Variants in CYP2C18 observed in about 807,000 individuals in gnomAD.
CYP2C18 encodes the protein cytochrome P450 2C18.
Under a neutral mutation model 41.3 loss-of-function variants are expected in CYP2C18, and 38 were observed. That is an observed-to-expected ratio of 0.92 (90% CI 0.71 to 1.21). CYP2C18 has a LOEUF of 1.21. Ranked by LOEUF, CYP2C18 falls within the 50% of genes most tolerant of loss-of-function variation. The pLI, the probability that CYP2C18 is intolerant of heterozygous loss-of-function variation, is 0.00. For missense variants in CYP2C18, 635 were observed against 591.4 expected, an observed-to-expected ratio of 1.07 and a Z score of -0.77; for synonymous variants, 236 against 210.0, an observed-to-expected ratio of 1.12 and a Z score of -1.07.
At position 94,694,992 on chromosome 10, in the gene CYP2C18, G is replaced by A. The variant is rs763494410; in HGVS notation, c.557G>A (p.Arg186Gln). ...ATCTGCTCTGTTATTTTCCATGATC[G>A]ATTTGATTATAAAGATCAGAGGTTT... ...NVICSVIFHD[R>Q]FDYKDQRFLN... The change falls in exon 4 of 9, where the codon CGA becomes CAA. Residue 186 changes from arginine to glutamine, a missense_variant. Transcript: ENST00000285979. 38 of 1,612,988 alleles carry A rather than the reference G, an allele frequency of 2.4e-5. 1 individual carries two copies. The highest frequency in any genetic ancestry group is 5.3e-5 in the African/African-American group (4 of 74,862).
chr10:94,696,541 C>T (rs575318827), intron 4 of CYP2C18, among the ~76,000 whole-genome samples: 15 of 152,080 alleles, frequency 9.9e-5, no homozygotes, highest in Admixed American at 2.0e-4. Flanking sequence ...AAAACAGAGC[C>T]GAAAAACTGG....
rs189744977 is a variant in CYP2C18 at position 94,715,385 on chromosome 10, A to G, written c.820-5011A>G. Among the ~76,000 whole-genome samples the G allele has an allele frequency of 1.7e-3, 265 of 152,330 alleles. 1 individual carries two copies. Among genetic ancestry groups the G allele is most frequent in the Non-Finnish European group, 2.9e-3 (195 of 68,032 alleles). ...ACCGAATTTATTGAGAGTTTTTAGC[A>G]TGAAGGTTTTTGAATTTTGTCAAAG... On this transcript the variant is annotated intron_variant, in intron 5 of 8. Transcript: ENST00000285979.
At position 94,694,960 on chromosome 10, in the gene CYP2C18, C is replaced by A; in HGVS notation, c.525C>A (p.Cys175Ter). 1 of 1,613,164 alleles carries A rather than the reference C, an allele frequency of 6.2e-7. No individual in the cohort carries two copies. The highest frequency in any genetic ancestry group is 8.5e-7 in the Non-Finnish European group (1 of 1,179,874). The change falls in exon 4 of 9, where the codon TGC (cysteine) becomes TGA (stop). Residue 175 changes from cysteine to a stop codon, truncating the protein, a stop_gained. Transcript: ENST00000285979. LOFTEE classifies it high-confidence loss of function. The stretch of plus-strand genomic sequence containing the variant: ...CTTTCATCCTGGGCTGTGCTCCCTG[C>A]AATGTGATCTGCTCTGTTATTTTCC... Reference protein sequence around the residue: ...DPTFILGCAPCNVICSVIFHD... With the variant: ...DPTFILGCAP
chr10:94,724,304 ATTTTCCTCC>A, intron 6 of CYP2C18, 33 bp from the exon 7 acceptor site: 2 of 1,603,312 alleles, frequency 1.2e-6, no homozygotes, highest in Non-Finnish European at 1.7e-6. Context: ...CAAATGTGCC[ATTTTCCTCC>A]TTTTCCATCA....
At chr10:94,691,684 A>G (rs1399381829) in intron 3 of CYP2C18, among the ~76,000 whole-genome samples, 1 of 152,208 alleles carries the variant, frequency 6.6e-6, no homozygotes, top group African/African-American at 2.4e-5. Context: ...TTTAAAGTTC[A>G]TATGGAACCA....
Position 94,688,820 on chromosome 10 carries a change from G to A in CYP2C18, c.481+546G>A, listed in dbSNP as rs570411346. Among the ~76,000 whole-genome samples, 81 of 152,296 alleles carry A rather than the reference G, an allele frequency of 5.3e-4. No individual in the cohort carries two copies. The South Asian group carries it at 0.012, about 22-fold the overall frequency. On this transcript the variant is annotated intron_variant, in intron 3 of 8. Coordinates refer to ENST00000285979, the MANE Select transcript of CYP2C18 (RefSeq NM_000772.3). The stretch of plus-strand genomic sequence containing the variant: ...ATTAAAGAGCAATGTTTTTCCCAAA[G>A]TGTAATTGTGGGTTATCTATTCTAG...
At chr10:94,717,013 T>A (rs1465418719) in intron 5 of CYP2C18, among the ~76,000 whole-genome samples, 1 of 152,172 alleles carries the variant, frequency 6.6e-6, no homozygotes. Context: ...CCCCTGCCTT[T>A]TTTTGTTTTC....
At chr10:94,691,993 C>G (rs1007847005) in intron 3 of CYP2C18, among the ~76,000 whole-genome samples, 21 of 152,250 alleles carry the variant, frequency 1.4e-4, no homozygotes, top group African/African-American at 4.8e-4. Flanking sequence ...GAAACTGGAT[C>G]CCTTCCTTAC....
At chr10:94,701,226 CCAA>C (rs1224899019) in intron 4 of CYP2C18, among the ~76,000 whole-genome samples, 1 of 152,172 alleles carries the variant, frequency 6.6e-6, no homozygotes, top group Non-Finnish European at 1.5e-5. Context: ...CACCAAATAT[CCAA>C]CAATGATAGA....
chr10:94,709,418 A>C (rs1365441438), intron 5 of CYP2C18, among the ~76,000 whole-genome samples: 1 of 152,190 alleles, frequency 6.6e-6, no homozygotes, highest in African/African-American at 2.4e-5. Context: ...ATAAAAGTAT[A>C]TTCAGACCTT....
At chr10:94,719,807 T>C (rs1847619054) in intron 5 of CYP2C18, among the ~76,000 whole-genome samples, 1 of 152,102 alleles carries the variant, frequency 6.6e-6, no homozygotes, top group Non-Finnish European at 1.5e-5. Flanking sequence ...ACTCCTGACC[T>C]CAGGTGACTG....
At chr10:94,692,520 A>C (rs1847022028) in intron 3 of CYP2C18, among the ~76,000 whole-genome samples, 3 of 152,168 alleles carry the variant, frequency 2.0e-5, no homozygotes. Context: ...GTCAGGAAGC[A>C]ACAGGTGCTG....
chr10:94,714,122 T>C (rs1847497188), intron 5 of CYP2C18, among the ~76,000 whole-genome samples: 1 of 152,222 alleles, frequency 6.6e-6, no homozygotes, highest in South Asian at 2.1e-4. Context: ...TCTCATTCTT[T>C]AGGTTGCCTA....
chr10:94,702,496 CTG>C (rs921651267), intron 4 of CYP2C18, among the ~76,000 whole-genome samples: 13 of 151,828 alleles, frequency 8.6e-5, no homozygotes, highest in African/African-American at 3.1e-4. Context: ...TCTTCAATGT[CTG>C]TTATCCTTTC....
intron 4 of CYP2C18, among the ~76,000 whole-genome samples, chr10:94,698,850 C>G (rs1004247767): frequency 2.0e-5 from 3 of 152,174 alleles, no homozygotes; most frequent in Admixed American, 6.5e-5. Flanking sequence ...ACTACAAACA[C>G]CTCTATGCAA....
intron 5 of CYP2C18, 91 bp from the exon 6 acceptor site, chr10:94,720,305 A>G (rs1445430519): frequency 1.7e-6 from 2 of 1,169,560 alleles, no homozygotes; most frequent in Non-Finnish European, 1.2e-6. Context: ...AAACTTCCTT[A>G]TCTTTAGAAC....
At chr10:94,712,078 G>T (rs984352792) in intron 5 of CYP2C18, among the ~76,000 whole-genome samples, 40 of 144,582 alleles carry the variant, frequency 2.8e-4, no homozygotes, top group Admixed American at 1.6e-3. Context: ...GAACTTCTGG[G>T]CTCAAGCGAT....
intron 5 of CYP2C18, among the ~76,000 whole-genome samples, chr10:94,711,691 A>G (rs758713429): frequency 1.8e-4 from 28 of 152,134 alleles, no homozygotes; most frequent in Non-Finnish European, 2.5e-4. Flanking sequence ...GATTTAAGGC[A>G]TGAGCCACTG....
chr10:94,684,360 C>T (rs1846845586), intron 1 of CYP2C18, among the ~76,000 whole-genome samples: 1 of 152,106 alleles, frequency 6.6e-6, no homozygotes, highest in African/African-American at 2.4e-5. Context: ...GGCCCATCTC[C>T]ACCTGCCAGC....
Sources: gnomAD v4.1 joint callset for allele counts (sites outside exome capture counted in the v4.1 genomes callset) on GRCh38, gnomAD v4.1.1 for gene constraint, MANE v1.5 for transcripts, NCBI Gene and HGNC (gene_info 2026-07-23, HGNC 2026-07-21) for gene names.